The following CTNNBL1 variants were observed in gnomAD, a reference collection of about 807,000 sequenced individuals.
The protein encoded by CTNNBL1 is beta-catenin-like protein 1.
Under a neutral mutation model 72.7 loss-of-function variants are expected in CTNNBL1, and 31 were observed. The observed-to-expected ratio is 0.43, with a 90% CI of 0.32 to 0.58. CTNNBL1 has a LOEUF of 0.58. Among genes scored for constraint, CTNNBL1 ranks in the 20% least tolerant of loss-of-function variants. The pLI is 0.08. For missense variants in CTNNBL1, 534 were observed against 725.1 expected, an observed-to-expected ratio of 0.74 and a Z score of 3.03; for synonymous variants, 240 against 267.3, an observed-to-expected ratio of 0.90 and a Z score of 1.00.
chr20:37,806,959 A>T (rs575062480), intron 11 of CTNNBL1, among the ~76,000 whole-genome samples: 3 of 152,190 alleles, frequency 2.0e-5, no homozygotes, highest in African/African-American at 7.2e-5. Flanking sequence ...CCTTAACCTT[A>T]GGGTCCATCT....
intron 3 of CTNNBL1, among the ~76,000 whole-genome samples, chr20:37,745,010 G>C (rs898329371): frequency 2.0e-5 from 3 of 152,168 alleles, no homozygotes; most frequent in Admixed American, 6.5e-5. Flanking sequence ...TATTATCAAT[G>C]GTTATTTTTG....
chr20:37,764,354 A>G (rs1307203932), intron 5 of CTNNBL1, among the ~76,000 whole-genome samples: 2 of 152,170 alleles, frequency 1.3e-5, no homozygotes, highest in Non-Finnish European at 2.9e-5. Context: ...GGTGTGCCTC[A>G]GGGCTACCTA....
At chr20:37,698,778 G>T (rs934186931) in intron 1 of CTNNBL1, among the ~76,000 whole-genome samples, 1 of 152,220 alleles carries the variant, frequency 6.6e-6, no homozygotes, top group Non-Finnish European at 1.5e-5. Flanking sequence ...AAGCGTGGTT[G>T]TTCACCCCTG....
chr20:37,824,498 T>G (rs547861109), intron 11 of CTNNBL1, among the ~76,000 whole-genome samples: 1 of 152,344 alleles, frequency 6.6e-6, no homozygotes, highest in African/African-American at 2.4e-5. Context: ...TTGGCCCTAC[T>G]TAGGACTTCC....
chr20:37,845,683 C>T (rs563399694), intron 13 of CTNNBL1, among the ~76,000 whole-genome samples: 4 of 152,278 alleles, frequency 2.6e-5, no homozygotes, highest in Admixed American at 6.5e-5. Context: ...TGCCTCATGC[C>T]GTCTTCTCTC....
At chr20:37,757,734 GC>G in intron 5 of CTNNBL1, 78 bp downstream of exon 5, 2 of 1,037,714 alleles carry the variant, frequency 1.9e-6, no homozygotes, top group Non-Finnish European at 3.0e-6. Context: ...TCGGAGAGTG[GC>G]CACCAGGTGG....
intron 10 of CTNNBL1, among the ~76,000 whole-genome samples, chr20:37,798,710 A>C (rs1339353021): frequency 6.6e-6 from 1 of 152,192 alleles, no homozygotes; most frequent in African/African-American, 2.4e-5. Context: ...GGCAGGAAAA[A>C]AAAAGAGAGG....
intron 1 of CTNNBL1, among the ~76,000 whole-genome samples, chr20:37,711,094 C>A (rs1297266275): frequency 6.6e-6 from 1 of 152,154 alleles, no homozygotes; most frequent in Non-Finnish European, 1.5e-5. Flanking sequence ...ACCTTTAAGA[C>A]CCAACCTTTG....
intron 1 of CTNNBL1, among the ~76,000 whole-genome samples, chr20:37,728,787 G>T (rs1450554722): frequency 2.0e-5 from 3 of 152,212 alleles, no homozygotes; most frequent in African/African-American, 7.2e-5. Flanking sequence ...ATTGTAATGG[G>T]TTCGGCTCTG....
At position 37,855,682 on chromosome 20, in the gene CTNNBL1, A is replaced by G. The variant is rs1201862730; in HGVS notation, c.1393-4217A>G. 2.0e-5 allele frequency among the ~76,000 whole-genome samples: 3 copies of G among 152,166 alleles called. No homozygotes were observed. In the East Asian group the frequency reaches 5.8e-4, roughly 29 times the overall value. ...CTCGATGCTCTAAGCCGATGTGTCC[A>G]TCATTTGGCTGTTTGCATATTCTGA... On this transcript the variant is annotated intron_variant, in intron 13 of 15. Coordinates refer to ENST00000361383, the MANE Select transcript of CTNNBL1 (RefSeq NM_030877.5).
intron 11 of CTNNBL1, among the ~76,000 whole-genome samples, chr20:37,808,343 A>G (rs2071978633): frequency 6.6e-6 from 1 of 152,200 alleles, no homozygotes; most frequent in South Asian, 2.1e-4. Flanking sequence ...GAAGAAGGAA[A>G]TGGCAGAACC....
At chr20:37,748,223 G>A (rs1265442678) in intron 4 of CTNNBL1, among the ~76,000 whole-genome samples, 1 of 152,160 alleles carries the variant, frequency 6.6e-6, no homozygotes, top group African/African-American at 2.4e-5. Flanking sequence ...TTCTTGCCTG[G>A]CTGATAATTC....
chr20:37,721,250 A>G (rs1415083298), intron 1 of CTNNBL1, among the ~76,000 whole-genome samples: 1 of 152,142 alleles, frequency 6.6e-6, no homozygotes, highest in Non-Finnish European at 1.5e-5. Context: ...CTTTTAATGC[A>G]CAGTAGCTAA....
intron 11 of CTNNBL1, among the ~76,000 whole-genome samples, chr20:37,818,938 T>C (rs191449394): frequency 1.3e-5 from 2 of 152,354 alleles, no homozygotes. Context: ...AAGTTTTCTT[T>C]CTGTTGTTCT....
At chr20:37,792,193 T>A (rs1452939211) in intron 10 of CTNNBL1, among the ~76,000 whole-genome samples, 1 of 152,228 alleles carries the variant, frequency 6.6e-6, no homozygotes. Context: ...TATTTTTCTC[T>A]GATCAGTGTG....
chr20:37,789,757 G>C (rs1357165264), intron 10 of CTNNBL1, among the ~76,000 whole-genome samples: 4 of 152,168 alleles, frequency 2.6e-5, no homozygotes, highest in Non-Finnish European at 5.9e-5. Flanking sequence ...GTATGTCCTT[G>C]TATCAGAATA....
intron 15 of CTNNBL1, among the ~76,000 whole-genome samples, chr20:37,868,757 C>G (rs1197772030): frequency 1.3e-5 from 2 of 152,172 alleles, no homozygotes; most frequent in Non-Finnish European, 2.9e-5. Flanking sequence ...CTGCTTCGTA[C>G]ATCCCTAGAA....
intron 13 of CTNNBL1, among the ~76,000 whole-genome samples, chr20:37,855,564 C>T (rs755337229): frequency 1.4e-4 from 22 of 152,162 alleles, no homozygotes; most frequent in Non-Finnish European, 3.1e-4. Context: ...CTCCAGGTTC[C>T]TGTGTTTGTG....
At chr20:37,774,630 C>T (rs938408531) in intron 7 of CTNNBL1, among the ~76,000 whole-genome samples, 4 of 152,158 alleles carry the variant, frequency 2.6e-5, no homozygotes, top group Non-Finnish European at 5.9e-5. Flanking sequence ...GTGGAGATTT[C>T]CTGTGGAACC....
Sources: allele counts gnomAD v4.1 joint callset (sites outside exome capture counted in the v4.1 genomes callset), GRCh38; gene constraint gnomAD v4.1.1; transcripts MANE v1.5; gene names NCBI Gene and HGNC (gene_info 2026-07-23, HGNC 2026-07-21).